Variants in MAP3K20 observed in about 807,000 individuals in gnomAD.
MAP3K20 encodes the protein mitogen-activated protein kinase kinase kinase 20, also known as HCCS-4.
In MAP3K20, 40 loss-of-function variants were observed where a neutral mutation model predicts 85.7. The ratio of observed to expected loss-of-function variants is 0.47; its 90% CI spans 0.36 to 0.61. The LOEUF is 0.61. Among genes scored for constraint, MAP3K20 ranks in the 20% least tolerant of loss-of-function variants. MAP3K20 has a pLI of 0.00. For synonymous variants in MAP3K20, 325 were observed against 327.7 expected, an observed-to-expected ratio of 0.99 and a Z score of 0.09; for missense variants, 817 against 961.7, an observed-to-expected ratio of 0.85 and a Z score of 1.99.
rs781250602 is a variant in MAP3K20, at chr2:173,263,752, T to G, written c.1559T>G (p.Val520Gly). Reference sequence around the variant, plus strand: ...GTTTGTTTGTTTTACCAGAGTGATGTTAGAACTCCAAAAAGCACTAAACAT... The same window carrying G: ...GTTTGTTTGTTTTACCAGAGTGATGGTAGAACTCCAAAAAGCACTAAACAT... ...VECTVTYESD[V>G]RTPKSTKHVH... The change falls in exon 19 of 20, where the codon GTT (valine) becomes GGT (glycine). Residue 520 changes from valine to glycine, a missense_variant. This residue lies in a region of MAP3K20 where 454 missense variants were observed against 476.9 expected (regional missense o/e 0.95). Transcript: ENST00000375213. 6.2e-7 allele frequency: 1 copy of G among 1,608,684 alleles called. No individual in the cohort carries two copies. The highest frequency in any genetic ancestry group is 8.5e-7 in the Non-Finnish European group (1 of 1,178,666).
At chr2:173,086,978 C>A (rs1248596549) in intron 1 of MAP3K20, among the ~76,000 whole-genome samples, 1 of 152,210 alleles carries the variant, frequency 6.6e-6, no homozygotes, top group Non-Finnish European at 1.5e-5. Context: ...CCCTCCGGGG[C>A]ACTTGTAAAA....
chr2:173,227,546 T>A (rs1303246006), intron 11 of MAP3K20, among the ~76,000 whole-genome samples: 1 of 152,218 alleles, frequency 6.6e-6, no homozygotes, highest in Non-Finnish European at 1.5e-5. Flanking sequence ...AGAATCCTGC[T>A]GGAGTGAGCG....
chr2:173,081,456 A>G (rs1687012628), intron 1 of MAP3K20, among the ~76,000 whole-genome samples: 1 of 152,140 alleles, frequency 6.6e-6, no homozygotes, highest in Non-Finnish European at 1.5e-5. Flanking sequence ...GGTCCTAATA[A>G]AGAGTCCTGC....
intron 16 of MAP3K20, among the ~76,000 whole-genome samples, chr2:173,243,764 C>T (rs1163595938): frequency 6.6e-6 from 1 of 152,194 alleles, no homozygotes; most frequent in Admixed American, 6.5e-5. Context: ...ACTACAACTA[C>T]AGGCTCCCGC....
In MAP3K20 at chr2:173,112,045, G is replaced by A. The variant is rs139950919; in HGVS notation, c.159+20855G>A. On this transcript the variant is annotated intron_variant, in intron 2 of 19. Transcript: ENST00000375213. ...CAATATTGATTCTACCCATCCGTGAGCATGGGATGTGTTTCCATTTGTTCG... is the reference window on the plus strand; with the variant it reads ...CAATATTGATTCTACCCATCCGTGAACATGGGATGTGTTTCCATTTGTTCG... 4.8e-4 allele frequency among the ~76,000 whole-genome samples: 73 copies of A among 152,284 alleles called. 2 individuals carry two copies. The East Asian group carries it at 0.013, about 27-fold the overall frequency.
chr2:173,191,127 A>T lies in MAP3K20; in HGVS notation c.532A>T (p.Ile178Phe). ...TTTCCCATGGATGGCTCCAGAAGTT[A>T]TCCAGAGTCTCCCTGTGTCAGAAAC... ...GTFPWMAPEV[I>F]QSLPVSETCD... Residue 178 changes from isoleucine to phenylalanine, a missense_variant, in exon 7 of 20, where the codon ATC (isoleucine) becomes TTC (phenylalanine). By Grantham distance (21) the Ile-to-Phe change is conservative. Coordinates refer to ENST00000375213, the MANE Select transcript of MAP3K20 (RefSeq NM_016653.3). 6.2e-7 allele frequency: 1 copy of T among 1,614,114 alleles called. No individual in the cohort carries two copies. The highest frequency in any genetic ancestry group is 8.5e-7 in the Non-Finnish European group (1 of 1,179,964).
At chr2:173,218,196 T>G (rs1684132461) in intron 11 of MAP3K20, among the ~76,000 whole-genome samples, 2 of 152,252 alleles carry the variant, frequency 1.3e-5, no homozygotes, top group Non-Finnish European at 2.9e-5. Flanking sequence ...TCTTTAAAAG[T>G]CTTAATCTTC....
At position 173,234,501 on chromosome 2, in the gene MAP3K20, C is replaced by G. The variant is rs1163878756; in HGVS notation, c.1203+2042C>G. Among the ~76,000 whole-genome samples the G allele has an allele frequency of 3.3e-5, 5 of 152,172 alleles. No individual in the cohort carries two copies. In the East Asian group the frequency reaches 9.6e-4, roughly 29 times the overall value. On this transcript the variant is annotated intron_variant, in intron 14 of 19. Transcript: ENST00000375213. ...TGGGAGGAAAGGACCAATTCATTAC[C>G]CGGACTTGGGAGAGGCCATGGTGGG...
intron 2 of MAP3K20, among the ~76,000 whole-genome samples, chr2:173,135,797 AT>A (rs1688783467): frequency 6.6e-6 from 1 of 152,164 alleles, no homozygotes; most frequent in African/African-American, 2.4e-5. Context: ...ATTTTATCAC[AT>A]TTTTTCATAT....
intron 2 of MAP3K20, among the ~76,000 whole-genome samples, chr2:173,153,869 T>G (rs1392669873): frequency 2.0e-5 from 3 of 152,228 alleles, no homozygotes; most frequent in African/African-American, 7.2e-5. Context: ...TCACATATTT[T>G]TACTTGTATT....
intron 12 of MAP3K20, among the ~76,000 whole-genome samples, 185 bp downstream of exon 12, chr2:173,229,918 C>T (rs1684482844): frequency 2.0e-5 from 3 of 152,182 alleles, no homozygotes; most frequent in Admixed American, 2.0e-4. Context: ...GCAACCTCCA[C>T]CTCCTGAGGT....
chr2:173,244,799 C>G (rs1574152616), intron 16 of MAP3K20, among the ~76,000 whole-genome samples: 1 of 152,154 alleles, frequency 6.6e-6, no homozygotes, highest in South Asian at 2.1e-4. Context: ...TGCCTTGGGC[C>G]TTAAAGATAG....
At chr2:173,231,409 C>T (rs1172662836) in intron 12 of MAP3K20, among the ~76,000 whole-genome samples, 2 of 152,224 alleles carry the variant, frequency 1.3e-5, no homozygotes, top group African/African-American at 4.8e-5. Flanking sequence ...AAAGAGGACT[C>T]AGGGTCTCCT....
chr2:173,203,189 A>G (rs1229915477), intron 8 of MAP3K20, among the ~76,000 whole-genome samples: 1 of 152,202 alleles, frequency 6.6e-6, no homozygotes, highest in Admixed American at 6.5e-5. Flanking sequence ...AAGTTCTATG[A>G]GAAGCACCAC....
At position 173,229,728 on chromosome 2, in the gene MAP3K20, G is replaced by T. The variant is rs573728560; in HGVS notation, c.1027G>T (p.Asp343Tyr). The T allele has an allele frequency of 6.2e-7, 1 of 1,613,968 alleles. No individual in the cohort carries two copies. Among genetic ancestry groups the T allele is most frequent in the Non-Finnish European group, 8.5e-7 (1 of 1,180,010 alleles). Residue 343 changes from aspartate to tyrosine, a missense_variant, in exon 12 of 20, where the codon GAT (aspartate) becomes TAT (tyrosine). Coordinates refer to ENST00000375213, the MANE Select transcript of MAP3K20 (RefSeq NM_016653.3). ...TGAGATTGGTGCATGGACGGAAGAC[G>T]ATGTGGTAAGCTCTTTGTATTCATG... ...SFEIGAWTEDDVYCWVQQLVR... is the reference protein window; with the variant it reads ...SFEIGAWTEDYVYCWVQQLVR...
chr2:173,236,809 G>T (rs561646539), intron 14 of MAP3K20, among the ~76,000 whole-genome samples: 4 of 152,282 alleles, frequency 2.6e-5, no homozygotes, highest in African/African-American at 9.6e-5. Context: ...TCCAAGCTGG[G>T]CCTTTGGGGA....
intron 2 of MAP3K20, among the ~76,000 whole-genome samples, chr2:173,148,771 A>G (rs3769185): frequency 0.44 from 66,329 of 152,072 alleles, 16,676 homozygotes; most frequent in South Asian, 0.64. Flanking sequence ...ACTGAATTTC[A>G]TGGTTTGCCA....
At chr2:173,229,602 A>G in intron 11 of MAP3K20, 87 bp from the exon 12 acceptor site, 3 of 1,565,718 alleles carry the variant, frequency 1.9e-6, no homozygotes, top group Non-Finnish European at 2.6e-6. Flanking sequence ...AGCAGCTGAG[A>G]GCTGAAAGAG....
intron 3 of MAP3K20, among the ~76,000 whole-genome samples, chr2:173,178,518 C>T (rs540557948): frequency 6.6e-6 from 1 of 152,136 alleles, no homozygotes; most frequent in East Asian, 1.9e-4. Flanking sequence ...GTGGCACACC[C>T]CTATAGTCCC....
Sources: allele counts gnomAD v4.1 joint callset (sites outside exome capture counted in the v4.1 genomes callset), GRCh38; gene constraint gnomAD v4.1.1; regional missense constraint gnomAD v4.1.1; transcripts MANE v1.5; gene names NCBI Gene and HGNC (gene_info 2026-07-23, HGNC 2026-07-21).